CASK: variants seen among roughly 807,000 people sequenced by gnomAD.
The protein encoded by CASK is peripheral plasma membrane protein CASK.
In CASK, 4 loss-of-function variants were observed where a neutral mutation model predicts 82.9. That is an observed-to-expected ratio of 0.05 (90% CI 0.02 to 0.11). The LOEUF (loss-of-function observed/expected upper bound fraction) is 0.11, where lower values mean the gene tolerates loss of function less well. CASK is among the 10% of genes least tolerant of loss of function. CASK has a pLI of 1.00. For missense variants in CASK, 358 were observed against 720.9 expected (o/e 0.50, Z 5.76); for synonymous variants, 259 against 253.5 (o/e 1.02, Z -0.20).
intron 5 of CASK, among the ~76,000 whole-genome samples, chrX:41,674,275 G>A (rs772116829): frequency 1.8e-5 from 2 of 110,928 alleles, no homozygotes; most frequent in East Asian, 5.7e-4. Flanking sequence ...AAGGTCATGC[G>A]GCCTTTTTCC....
intron 25 of CASK, among the ~76,000 whole-genome samples, chrX:41,527,568 G>C (rs2064734029): frequency 9.0e-6 from 1 of 111,553 alleles, no homozygotes; most frequent in Non-Finnish European, 1.9e-5. Context: ...AAATCTAAGG[G>C]TTTAGGAAGA....
At chrX:41,763,637 G>A (rs1226875623) in intron 3 of CASK, among the ~76,000 whole-genome samples, 1 of 111,525 alleles carries the variant, frequency 9.0e-6, no homozygotes, top group Non-Finnish European at 1.9e-5. Context: ...ACTCCAGCCT[G>A]GGAGACAGAG....
In CASK at chrX:41,762,065, G is replaced by C. The variant is rs776830781; in HGVS notation, c.279-16464C>G. Among the ~76,000 whole-genome samples, 9 of 111,807 alleles carry C rather than the reference G, an allele frequency of 8.0e-5. No individual in the cohort carries two copies. In the South Asian group the frequency reaches 3.4e-3, roughly 42 times the overall value. ...TTATTTAATCCTCATAAAAACACTA[G>C]GAGACAGGTACTATTTCACAGATGA... On this transcript the variant is annotated intron_variant, in intron 3 of 26. Transcript: ENST00000378163.
chrX:41,676,083 T>G, intron 5 of CASK: 16 of 1,182,585 alleles, frequency 1.4e-5, no homozygotes, highest in Non-Finnish European at 1.6e-5. Context: ...ATCCCTTTCT[T>G]GTCATCACCA....
chrX:41,564,744 T>C (rs1381278050), intron 16 of CASK, among the ~76,000 whole-genome samples: 2 of 111,826 alleles, frequency 1.8e-5, no homozygotes, highest in Non-Finnish European at 1.9e-5. Flanking sequence ...CTAATAGACA[T>C]CTACAGAACC....
Position 41,553,913 on chromosome X carries a change from G to A in CASK, c.1845C>T (p.Ile615=). The change falls in exon 21 of 27, where the codon ATC becomes ATT. Residue 615 remains isoleucine (I), a splice_region_variant and synonymous_variant. Coordinates refer to ENST00000378163, the MANE Select transcript of CASK (RefSeq NM_001367721.1). ...PSTTQPKGRQ[I]YVRAQFEYDP... is the part of the protein sequence containing the mutation. ...CATATTCAAATTGTGCTCTTACATA[G>A]ATCTATAAAACAGGAGTTCGTAAGA... 8.4e-7 allele frequency: 1 copy of A among 1,189,601 alleles called. No individual in the cohort carries two copies. The highest frequency in any genetic ancestry group is 1.1e-6 in the Non-Finnish European group (1 of 875,891).
intron 21 of CASK, among the ~76,000 whole-genome samples, chrX:41,546,308 C>G: frequency 9.0e-6 from 1 of 110,780 alleles, no homozygotes; most frequent in Non-Finnish European, 1.9e-5. Flanking sequence ...CTGGACCTTG[C>G]TATGTTACCC....
chrX:41,654,630 G>T (rs770516882), intron 8 of CASK, among the ~76,000 whole-genome samples: 1 of 111,116 alleles, frequency 9.0e-6, no homozygotes, highest in African/African-American at 3.3e-5. Context: ...CTGAGATTGC[G>T]CCACTGCACT....
chrX:41,722,675 G>C (rs1337710229), intron 5 of CASK, among the ~76,000 whole-genome samples: 1 of 112,225 alleles, frequency 8.9e-6, no homozygotes, highest in Admixed American at 9.4e-5. Context: ...GATTAGATGT[G>C]AGATGTGAAA....
chrX:41,876,681 T>C (rs958913002), intron 1 of CASK, among the ~76,000 whole-genome samples: 1 of 112,029 alleles, frequency 8.9e-6, no homozygotes, highest in East Asian at 2.8e-4. Flanking sequence ...TTATAATCAA[T>C]GGTTACTTTA....
intron 20 of CASK, among the ~76,000 whole-genome samples, chrX:41,555,142 T>C (rs1026862608): frequency 1.0e-3 from 116 of 112,622 alleles, no homozygotes; most frequent in African/African-American, 3.7e-3. Context: ...TTTATATTCT[T>C]TTCTTATTTT....
intron 1 of CASK, among the ~76,000 whole-genome samples, chrX:41,881,769 G>T (rs184905744): frequency 9.0e-6 from 1 of 111,345 alleles, no homozygotes; most frequent in East Asian, 2.8e-4. Flanking sequence ...CTAAGAAAGG[G>T]AAATCATTCA....
chrX:41,806,229 C>T (rs5917448), intron 2 of CASK, among the ~76,000 whole-genome samples: 17,678 of 111,234 alleles, frequency 0.16, 1,366 homozygotes, highest in Middle Eastern at 0.29. Flanking sequence ...AAATTAATAG[C>T]AAGTATTTAG....
intron 2 of CASK, among the ~76,000 whole-genome samples, chrX:41,800,602 T>C (rs1478440768): frequency 9.1e-6 from 1 of 109,689 alleles, no homozygotes; most frequent in Non-Finnish European, 1.9e-5. Context: ...GCTGCACCCA[T>C]TAACTCGTCA....
rs758398505 is a variant in CASK, at chrX:41,576,567, G to A, written c.1503+1773C>T. Among the ~76,000 whole-genome samples the A allele has an allele frequency of 5.4e-5, 6 of 112,111 alleles. No individual in the cohort carries two copies. The East Asian group carries it at 1.7e-3, about 31-fold the overall frequency. On this transcript the variant is annotated intron_variant, in intron 15 of 26. Transcript: ENST00000378163. ...GGAACGTGAGCTCTAGTAAGGGGCA[G>A]TGTCTTATCTGACAATAGATCACTG... is the stretch of plus-strand genomic sequence containing the variant.
At chrX:41,674,521 T>A (rs761251452) in intron 5 of CASK, among the ~76,000 whole-genome samples, 1 of 111,499 alleles carries the variant, frequency 9.0e-6, no homozygotes, top group East Asian at 2.8e-4. Flanking sequence ...GAAAATGCCA[T>A]ACGCCAAAAT....
intron 5 of CASK, among the ~76,000 whole-genome samples, chrX:41,673,720 G>T (rs2067225412): frequency 9.1e-6 from 1 of 109,663 alleles, no homozygotes; most frequent in Non-Finnish European, 1.9e-5. Flanking sequence ...GAAGAAGGAA[G>T]CCCAGTGTGT....
chrX:41,743,502 A>G (rs1481565411), intron 4 of CASK: 1 of 285,576 alleles, frequency 3.5e-6, no homozygotes, highest in Admixed American at 6.3e-5. Context: ...ACACACATAA[A>G]CTTTCATTTG....
chrX:41,554,985 C>T (rs1335769514), intron 20 of CASK, among the ~76,000 whole-genome samples: 1 of 112,328 alleles, frequency 8.9e-6, no homozygotes, highest in Non-Finnish European at 1.9e-5. Flanking sequence ...GCAATCCAGC[C>T]TATAAAATTA....
Sources: gnomAD v4.1 joint callset for allele counts (sites outside exome capture counted in the v4.1 genomes callset) on GRCh38, gnomAD v4.1.1 for gene constraint, MANE v1.5 for transcripts, NCBI Gene and HGNC (gene_info 2026-07-23, HGNC 2026-07-21) for gene names.